Variants in PRELID2 observed in about 807,000 individuals in gnomAD.
PRELID2 encodes PRELI domain containing 2.
PRELID2 carries 25 observed loss-of-function variants against 28.4 expected under a neutral mutation model. The observed-to-expected ratio is 0.88, with a 90% CI of 0.64 to 1.23. The LOEUF is 1.23. PRELID2 is among the 50% of genes most tolerant of loss of function. PRELID2 has a pLI of 0.00. For synonymous variants in PRELID2, 76 were observed against 71.6 expected (o/e 1.06, Z -0.31); for missense variants, 201 against 214.4 (o/e 0.94, Z 0.39).
intron 1 of PRELID2, among the ~76,000 whole-genome samples, chr5:145,490,808 A>T (rs72809590): frequency 3.9e-5 from 6 of 152,322 alleles, no homozygotes; most frequent in Non-Finnish European, 5.9e-5. Flanking sequence ...AAGATCTGGT[A>T]TTATTTGACA....
chr5:145,343,357 C>G, the PRELID2 span, among the ~76,000 whole-genome samples: 1 of 151,620 alleles, frequency 6.6e-6, no homozygotes, highest in Non-Finnish European at 1.5e-5. Flanking sequence ...AGCTGTAAAT[C>G]AATACCAAGA....
chr5:145,569,559 G>C (rs1752999789), intron 1 of PRELID2, among the ~76,000 whole-genome samples: 1 of 152,164 alleles, frequency 6.6e-6, no homozygotes, highest in Middle Eastern at 3.2e-3. Flanking sequence ...GAGAAAACAA[G>C]AATGCTTCTG....
the PRELID2 span, among the ~76,000 whole-genome samples, chr5:145,310,839 G>A: frequency 6.6e-6 from 1 of 151,710 alleles, no homozygotes; most frequent in African/African-American, 2.4e-5. Context: ...ACATCAGGTG[G>A]AAGTTTCTTT....
At chr5:145,422,391 G>C in the PRELID2 span, among the ~76,000 whole-genome samples, 1 of 152,130 alleles carries the variant, frequency 6.6e-6, no homozygotes, top group Non-Finnish European at 1.5e-5. Context: ...GGTCACTCAG[G>C]ACTTGCTTTG....
chr5:145,461,347 CTG>C, the PRELID2 span, among the ~76,000 whole-genome samples: 3 of 1,930 alleles, frequency 1.6e-3, no homozygotes, highest in Non-Finnish European at 2.1e-3. Flanking sequence ...GTCGCCCAGG[CTG>C]GGGGGTGCAG....
chr5:145,728,151 G>T (rs1258354802), intron 1 of PRELID2, among the ~76,000 whole-genome samples: 5 of 152,028 alleles, frequency 3.3e-5, no homozygotes, highest in Admixed American at 6.6e-5. Flanking sequence ...CCTCTCTAGA[G>T]CACTGACCGT....
At chr5:145,748,335 T>C (rs1219028707) in intron 1 of PRELID2, among the ~76,000 whole-genome samples, 4 of 151,646 alleles carry the variant, frequency 2.6e-5, no homozygotes, top group South Asian at 4.1e-4. Flanking sequence ...ACGTTAACAA[T>C]AGACAGAGAG....
intron 1 of PRELID2, chr5:145,728,454 A>G: frequency 3.3e-6 from 2 of 607,074 alleles, no homozygotes; most frequent in Admixed American, 2.5e-5. Flanking sequence ...CCGGATCTGG[A>G]ACCAGATTGA....
the PRELID2 span, among the ~76,000 whole-genome samples, chr5:145,394,582 C>A: frequency 2.0e-5 from 3 of 151,878 alleles, no homozygotes; most frequent in Non-Finnish European, 4.4e-5. Context: ...TAAAGTATAA[C>A]AATAATAAAA....
chr5:145,542,939 C>T (rs1580972777), intron 1 of PRELID2, among the ~76,000 whole-genome samples: 2 of 152,026 alleles, frequency 1.3e-5, no homozygotes, highest in Admixed American at 6.6e-5. Flanking sequence ...GCCCTACTCA[C>T]CTGCTTTTAG....
intron 1 of PRELID2, among the ~76,000 whole-genome samples, chr5:145,586,164 C>T (rs1428355447): frequency 6.6e-6 from 1 of 152,098 alleles, no homozygotes; most frequent in African/African-American, 2.4e-5. Context: ...GCCAAATTGA[C>T]AGTGCTCACC....
At chr5:145,598,321 A>G (rs1025261675) in intron 1 of PRELID2, among the ~76,000 whole-genome samples, 1 of 152,118 alleles carries the variant, frequency 6.6e-6, no homozygotes, top group African/African-American at 2.4e-5. Flanking sequence ...AAGCAATATA[A>G]TAGTATTCTC....
intron 5 of PRELID2, among the ~76,000 whole-genome samples, chr5:145,777,657 G>A (rs1758497018): frequency 6.6e-6 from 1 of 152,172 alleles, no homozygotes; most frequent in African/African-American, 2.4e-5. Flanking sequence ...CCAGGGGCAG[G>A]TGGGAGCCCC....
intron 1 of PRELID2, among the ~76,000 whole-genome samples, chr5:145,745,572 A>C (rs886958473): frequency 6.6e-6 from 1 of 152,192 alleles, no homozygotes; most frequent in Non-Finnish European, 1.5e-5. Context: ...TCCTAAAGAA[A>C]AGAATTGGGC....
chr5:145,796,638 T>A, intron 4 of PRELID2, 91 bp from the exon 5 acceptor site: 1 of 632,618 alleles, frequency 1.6e-6, no homozygotes, highest in Non-Finnish European at 2.6e-6. Flanking sequence ...TTACCACTTA[T>A]AATCAATAAA....
chr5:145,247,805 G>A, the PRELID2 span, among the ~76,000 whole-genome samples: 58 of 152,248 alleles, frequency 3.8e-4, no homozygotes, highest in Non-Finnish European at 5.9e-4. Context: ...GTGTTCTGAT[G>A]TACCTCCTGT....
intron 1 of PRELID2, among the ~76,000 whole-genome samples, chr5:145,498,808 C>A (rs771436402): frequency 2.6e-5 from 4 of 151,800 alleles, no homozygotes; most frequent in African/African-American, 4.8e-5. Flanking sequence ...AAGCTCCTGA[C>A]CTCAAGTGAT....
chr5:145,433,571 C>T, the PRELID2 span, among the ~76,000 whole-genome samples: 2 of 152,100 alleles, frequency 1.3e-5, no homozygotes, highest in African/African-American at 2.4e-5. Flanking sequence ...AGCTTCTTTC[C>T]ACAGTCCTAG....
At chr5:145,434,273 GC>G in the PRELID2 span, among the ~76,000 whole-genome samples, 1 of 152,164 alleles carries the variant, frequency 6.6e-6, no homozygotes, top group Admixed American at 6.5e-5. Context: ...AAATCATTAA[GC>G]AGGAAGGTTT....
Sources: allele counts gnomAD v4.1 joint callset (sites outside exome capture counted in the v4.1 genomes callset), GRCh38; gene constraint gnomAD v4.1.1; transcripts MANE v1.5; gene names NCBI Gene and HGNC (gene_info 2026-07-23, HGNC 2026-07-21).